ST6GALNAC5: variants seen among roughly 807,000 people sequenced by gnomAD.
ST6GALNAC5 encodes the protein ST6 N-acetylgalactosaminide alpha-2,6-sialyltransferase 5, also known as alpha-N-acetylgalactosaminide alpha-2,6-sialyltransferase 5.
In ST6GALNAC5, 27 loss-of-function variants were observed where a neutral mutation model predicts 33.6. The observed-to-expected ratio is 0.80, with a 90% CI of 0.59 to 1.11. The LOEUF (loss-of-function observed/expected upper bound fraction) is 1.11. ST6GALNAC5 is among the 50% of genes least tolerant of loss of function. The probability of loss-of-function intolerance (pLI) is 0.00; values close to 1 mark genes in which losing one functional copy is unlikely to be tolerated. For synonymous variants in ST6GALNAC5, 194 were observed against 171.2 expected (o/e 1.13, Z -1.04); for missense variants, 428 against 454.0 (o/e 0.94, Z 0.52).
intron 2 of ST6GALNAC5, among the ~76,000 whole-genome samples, chr1:77,026,847 TA>T (rs1386005282): frequency 1.3e-5 from 2 of 151,264 alleles, no homozygotes; most frequent in Non-Finnish European, 3.0e-5. Flanking sequence ...GAAAATGTGT[TA>T]GGTACAAGTG....
At chr1:76,954,345 A>G (rs1374609729) in intron 2 of ST6GALNAC5, among the ~76,000 whole-genome samples, 2 of 152,222 alleles carry the variant, frequency 1.3e-5, no homozygotes, top group Non-Finnish European at 2.9e-5. Flanking sequence ...ACATGGACAC[A>G]TGTGGGAGAA....
At chr1:77,032,663 T>C (rs1445673184) in intron 2 of ST6GALNAC5, among the ~76,000 whole-genome samples, 1 of 152,090 alleles carries the variant, frequency 6.6e-6, no homozygotes, top group Non-Finnish European at 1.5e-5. Context: ...TACCTACCAA[T>C]AGATGACTGA....
chr1:76,946,246 T>C (rs1647513918), intron 2 of ST6GALNAC5, among the ~76,000 whole-genome samples: 1 of 152,134 alleles, frequency 6.6e-6, no homozygotes, highest in Admixed American at 6.6e-5. Flanking sequence ...TCCACTATTA[T>C]TGATTTATTC....
chr1:76,936,790 GA>G (rs1283981677), intron 2 of ST6GALNAC5, among the ~76,000 whole-genome samples: 1 of 151,980 alleles, frequency 6.6e-6, no homozygotes, highest in Non-Finnish European at 1.5e-5. Flanking sequence ...TGATACTAAA[GA>G]TTTTTTCTAA....
At chr1:77,047,239 T>A (rs1330923180) in intron 3 of ST6GALNAC5, among the ~76,000 whole-genome samples, 2 of 152,188 alleles carry the variant, frequency 1.3e-5, no homozygotes, top group Non-Finnish European at 2.9e-5. Context: ...AAGAAGCCAA[T>A]ACTCTATTGA....
chr1:76,984,105 C>T (rs1285391062), intron 2 of ST6GALNAC5, among the ~76,000 whole-genome samples: 1 of 152,130 alleles, frequency 6.6e-6, no homozygotes, highest in Admixed American at 6.6e-5. Context: ...AGAAGAACTA[C>T]AGAAGCAAGA....
intron 2 of ST6GALNAC5, among the ~76,000 whole-genome samples, chr1:76,905,668 A>T (rs1646857937): frequency 6.6e-6 from 1 of 152,232 alleles, no homozygotes; most frequent in African/African-American, 2.4e-5. Flanking sequence ...TAATGACTAA[A>T]AATATATTTT....
chr1:76,904,062 T>C (rs992943617), intron 2 of ST6GALNAC5, among the ~76,000 whole-genome samples: 10 of 152,176 alleles, frequency 6.6e-5, no homozygotes, highest in African/African-American at 1.9e-4. Context: ...TTTATCTAAA[T>C]TGTGAAAATA....
chr1:77,042,507 A>T (rs1651863929), intron 2 of ST6GALNAC5, among the ~76,000 whole-genome samples: 1 of 152,244 alleles, frequency 6.6e-6, no homozygotes, highest in Non-Finnish European at 1.5e-5. Flanking sequence ...CCTCCATTTC[A>T]TAAGCCCTGC....
chr1:77,029,391 C>T (rs1291549977), intron 2 of ST6GALNAC5, among the ~76,000 whole-genome samples: 8 of 152,186 alleles, frequency 5.3e-5, no homozygotes, highest in Non-Finnish European at 1.0e-4. Context: ...GGTTTAGGGA[C>T]TTGGTCTCCT....
intron 2 of ST6GALNAC5, among the ~76,000 whole-genome samples, chr1:76,906,526 T>A (rs1219152584): frequency 2.0e-5 from 3 of 152,200 alleles, no homozygotes. Flanking sequence ...TTAATGCCTC[T>A]TAAAGTGTTT....
chr1:76,885,805 A>G (rs1236576659), intron 2 of ST6GALNAC5, among the ~76,000 whole-genome samples: 1 of 152,038 alleles, frequency 6.6e-6, no homozygotes. Context: ...TTCATCCCCC[A>G]CCTATATGCT....
intron 2 of ST6GALNAC5, among the ~76,000 whole-genome samples, chr1:76,915,286 G>A (rs1436268692): frequency 1.6e-4 from 24 of 151,736 alleles, no homozygotes; most frequent in Admixed American, 8.5e-4. Context: ...TCAGTGTGGC[G>A]ATTCCTCAGG....
At chr1:77,006,965 G>A (rs1329749473) in intron 2 of ST6GALNAC5, among the ~76,000 whole-genome samples, 1 of 152,166 alleles carries the variant, frequency 6.6e-6, no homozygotes, top group Admixed American at 6.5e-5. Context: ...TGTTTAGTAA[G>A]CTAACCCCAG....
chr1:76,893,689 C>G lies in ST6GALNAC5; in HGVS notation c.261+24947C>G, dbSNP rs1052223724. 2.0e-5 allele frequency among the ~76,000 whole-genome samples: 3 copies of G among 152,166 alleles called. No homozygotes were observed. The East Asian group carries it at 5.8e-4, about 29-fold the overall frequency. ...TATTTATTTATTTTTGAGACAGAGG[C>G]TCACTCCGTCACCCAGGCTAGATTG... On this transcript the variant is annotated intron_variant, in intron 2 of 4. Coordinates refer to ENST00000477717, the MANE Select transcript of ST6GALNAC5 (RefSeq NM_030965.3).
At chr1:77,019,460 G>A (rs150984933) in intron 2 of ST6GALNAC5, among the ~76,000 whole-genome samples, 3 of 152,314 alleles carry the variant, frequency 2.0e-5, no homozygotes, top group Non-Finnish European at 4.4e-5. Context: ...CACCACGGGA[G>A]CCTGCATCTT....
chr1:76,885,243 G>C (rs1653866901), intron 2 of ST6GALNAC5, among the ~76,000 whole-genome samples: 1 of 151,866 alleles, frequency 6.6e-6, no homozygotes, highest in South Asian at 2.1e-4. Context: ...ATGTCGAAAA[G>C]AAATAAGGAA....
chr1:76,922,974 A>G (rs1300438616), intron 2 of ST6GALNAC5, among the ~76,000 whole-genome samples: 1 of 151,880 alleles, frequency 6.6e-6, no homozygotes, highest in Non-Finnish European at 1.5e-5. Flanking sequence ...AACTTTTAAG[A>G]AGAAAGTAAG....
chr1:77,045,800 G>T (rs2100464168), intron 3 of ST6GALNAC5, among the ~76,000 whole-genome samples: 1 of 152,270 alleles, frequency 6.6e-6, no homozygotes, highest in Middle Eastern at 3.4e-3. Flanking sequence ...AGGTGAAGAA[G>T]AGAGGTGAAA....
Sources: allele counts gnomAD v4.1 joint callset (sites outside exome capture counted in the v4.1 genomes callset), GRCh38; gene constraint gnomAD v4.1.1; transcripts MANE v1.5; gene names NCBI Gene and HGNC (gene_info 2026-07-23, HGNC 2026-07-21).